SPATS2L: variants seen among roughly 807,000 people sequenced by gnomAD.
SPATS2L encodes SPATS2-like protein.
A neutral mutation model predicts 59.6 loss-of-function variants in SPATS2L; 30 were observed. The ratio of observed to expected loss-of-function variants is 0.50; its 90% CI spans 0.38 to 0.68. The LOEUF is 0.68. Ranked by LOEUF, SPATS2L falls within the 30% of genes least tolerant of loss-of-function variation. The probability of loss-of-function intolerance (pLI) is 0.00; values close to 1 mark genes in which losing one functional copy is unlikely to be tolerated. For synonymous variants in SPATS2L, 252 were observed against 263.5 expected (o/e 0.96, Z 0.42); for missense variants, 615 against 700.0 (o/e 0.88, Z 1.37).
chr2:200,368,032 A>G (rs2081317014), intron 2 of SPATS2L, among the ~76,000 whole-genome samples: 1 of 152,230 alleles, frequency 6.6e-6, no homozygotes, highest in Non-Finnish European at 1.5e-5. Context: ...ATCTGCCCTA[A>G]GAAAAGAAGT....
chr2:200,356,843 T>G (rs1003944681), intron 2 of SPATS2L, among the ~76,000 whole-genome samples: 1 of 152,194 alleles, frequency 6.6e-6, no homozygotes, highest in Non-Finnish European at 1.5e-5. Context: ...TTGTGCTGCC[T>G]TCATCTCATG....
intron 2 of SPATS2L, among the ~76,000 whole-genome samples, chr2:200,348,950 T>C (rs2080617607): frequency 1.3e-5 from 2 of 152,200 alleles, no homozygotes; most frequent in Admixed American, 1.3e-4. Context: ...CCTTTCTGAC[T>C]ATGCTTTTAC....
intron 1 of SPATS2L, among the ~76,000 whole-genome samples, chr2:200,315,587 GA>G (rs1223626021): frequency 6.6e-6 from 1 of 152,066 alleles, no homozygotes; most frequent in African/African-American, 2.4e-5. Flanking sequence ...ACAAATTAAT[GA>G]ATCAACGAAT....
chr2:200,408,256 G>A (rs141249383), intron 3 of SPATS2L, among the ~76,000 whole-genome samples: 232 of 152,336 alleles, frequency 1.5e-3, no homozygotes, highest in African/African-American at 5.3e-3. Context: ...TGTCTGTGAA[G>A]GGGTAAAGTC....
At chr2:200,405,503 G>A (rs1299072477) in intron 3 of SPATS2L, among the ~76,000 whole-genome samples, 1 of 152,138 alleles carries the variant, frequency 6.6e-6, no homozygotes, top group Admixed American at 6.5e-5. Flanking sequence ...TGTTAGAAAA[G>A]GCAATTAAAT....
intron 1 of SPATS2L, among the ~76,000 whole-genome samples, chr2:200,311,820 G>GA (rs939891929): frequency 8.5e-5 from 13 of 152,244 alleles, no homozygotes; most frequent in South Asian, 2.1e-4. Context: ...GCTCAGAAGG[G>GA]AAAAAAATCT....
intron 2 of SPATS2L, among the ~76,000 whole-genome samples, chr2:200,360,620 G>T (rs1307645358): frequency 6.6e-6 from 1 of 152,170 alleles, no homozygotes; most frequent in Non-Finnish European, 1.5e-5. Flanking sequence ...GAGATAAGCC[G>T]CTCCTCCTTG....
intron 12 of SPATS2L, among the ~76,000 whole-genome samples, chr2:200,476,119 A>G (rs2087501892): frequency 6.6e-6 from 1 of 152,184 alleles, no homozygotes; most frequent in Non-Finnish European, 1.5e-5. Context: ...GAGTTCAGAA[A>G]TCTTTCCCTT....
chr2:200,418,583 A>AT (rs1553527108), intron 5 of SPATS2L, among the ~76,000 whole-genome samples: 4 of 57,788 alleles, frequency 6.9e-5, no homozygotes, highest in Admixed American at 1.9e-4. Context: ...TTATTAAATA[A>AT]TAAATAAATA....
intron 2 of SPATS2L, among the ~76,000 whole-genome samples, chr2:200,379,312 G>A (rs995814358): frequency 6.6e-6 from 1 of 152,220 alleles, no homozygotes; most frequent in Non-Finnish European, 1.5e-5. Flanking sequence ...TGGTGATAAC[G>A]AAAATAGAAG....
chr2:200,313,492 C>T (rs1225636595), intron 1 of SPATS2L, among the ~76,000 whole-genome samples: 1 of 152,190 alleles, frequency 6.6e-6, no homozygotes, highest in Non-Finnish European at 1.5e-5. Flanking sequence ...GTCTTCCTTT[C>T]CCTTATTCCA....
intron 6 of SPATS2L, among the ~76,000 whole-genome samples, chr2:200,431,155 A>G (rs1440415527): frequency 2.6e-5 from 4 of 152,228 alleles, no homozygotes; most frequent in Non-Finnish European, 5.9e-5. Context: ...ATAGTTTTTA[A>G]GTTATTAATA....
chr2:200,314,039 C>T (rs1296261221), intron 1 of SPATS2L, among the ~76,000 whole-genome samples: 1 of 152,170 alleles, frequency 6.6e-6, no homozygotes, highest in Admixed American at 6.6e-5. Flanking sequence ...GCACGTTTGC[C>T]CTGTGGCAGC....
chr2:200,309,471 C>T (rs2079128495), intron 1 of SPATS2L, among the ~76,000 whole-genome samples: 2 of 152,328 alleles, frequency 1.3e-5, no homozygotes, highest in Admixed American at 1.3e-4. Context: ...TAGCCATCTT[C>T]TGTAGCACTT....
intron 1 of SPATS2L, among the ~76,000 whole-genome samples, chr2:200,322,129 A>T (rs1413227692): frequency 6.6e-6 from 1 of 152,170 alleles, no homozygotes; most frequent in African/African-American, 2.4e-5. Flanking sequence ...GCGTGTGTGT[A>T]TTCTTATATG....
chr2:200,372,470 T>G (rs2081459107), intron 2 of SPATS2L, among the ~76,000 whole-genome samples: 1 of 152,086 alleles, frequency 6.6e-6, no homozygotes, highest in Non-Finnish European at 1.5e-5. Flanking sequence ...CCATGGTGGT[T>G]TGTCCTCACT....
At chr2:200,326,271 C>T (rs2079738567) in intron 1 of SPATS2L, among the ~76,000 whole-genome samples, 1 of 152,182 alleles carries the variant, frequency 6.6e-6, no homozygotes, top group South Asian at 2.1e-4. Context: ...CCACCATGCC[C>T]AACTCCTTTT....
At chr2:200,420,785 T>C (rs112060518) in intron 6 of SPATS2L, among the ~76,000 whole-genome samples, 2,799 of 152,302 alleles carry the variant, frequency 0.018, 38 homozygotes, top group Middle Eastern at 0.027. Flanking sequence ...AAATCATGAA[T>C]GTCCAGGGGA....
intron 2 of SPATS2L, among the ~76,000 whole-genome samples, chr2:200,357,343 T>A (rs1464532654): frequency 6.6e-6 from 1 of 152,184 alleles, no homozygotes; most frequent in Non-Finnish European, 1.5e-5. Context: ...GCTGGCTAAG[T>A]GAGGCCACTG....
Sources: allele counts gnomAD v4.1 joint callset (sites outside exome capture counted in the v4.1 genomes callset), GRCh38; gene constraint gnomAD v4.1.1; transcripts MANE v1.5; gene names NCBI Gene and HGNC (gene_info 2026-07-23, HGNC 2026-07-21).